The following NCKAP5 variants were observed in gnomAD, a reference collection of about 807,000 sequenced individuals.
NCKAP5 encodes the protein nck-associated protein 5.
NCKAP5 carries 92 observed loss-of-function variants against 167.0 expected under a neutral mutation model. The ratio of observed to expected loss-of-function variants is 0.55; its 90% CI spans 0.47 to 0.66. The LOEUF (loss-of-function observed/expected upper bound fraction) is 0.66. NCKAP5 is among the 30% of genes least tolerant of loss of function. The pLI is 0.00. For synonymous variants in NCKAP5, 891 were observed against 877.4 expected, an observed-to-expected ratio of 1.02 and a Z score of -0.27; for missense variants, 2,378 against 2,315.0, an observed-to-expected ratio of 1.03 and a Z score of -0.56.
chr2:133,289,718 CA>C (rs1028283007), intron 4 of NCKAP5, among the ~76,000 whole-genome samples: 21 of 143,532 alleles, frequency 1.5e-4, no homozygotes, highest in Admixed American at 1.2e-3. Context: ...AACAAACAAA[CA>C]AACAAACAAA....
chr2:133,055,308 T>C (rs1260964679), intron 6 of NCKAP5, among the ~76,000 whole-genome samples: 1 of 151,918 alleles, frequency 6.6e-6, no homozygotes, highest in Non-Finnish European at 1.5e-5. Flanking sequence ...GAATTAGGGT[T>C]CCTGGAAGAG....
At chr2:133,377,933 G>A (rs1040307744) in intron 3 of NCKAP5, among the ~76,000 whole-genome samples, 4 of 152,116 alleles carry the variant, frequency 2.6e-5, no homozygotes, top group African/African-American at 9.7e-5. Context: ...CTGGGGGCAG[G>A]GCTGCTCTCA....
At chr2:133,667,364 T>A in the NCKAP5 span, among the ~76,000 whole-genome samples, 1 of 152,002 alleles carries the variant, frequency 6.6e-6, no homozygotes, top group African/African-American at 2.4e-5. Flanking sequence ...CCACTCCATC[T>A]CTGCTGATTC....
intron 6 of NCKAP5, among the ~76,000 whole-genome samples, chr2:133,100,194 A>G (rs1292401159): frequency 6.6e-6 from 1 of 152,224 alleles, no homozygotes; most frequent in African/African-American, 2.4e-5. Flanking sequence ...GAATCTCCCA[A>G]AAGGGAGTCC....
intron 4 of NCKAP5, among the ~76,000 whole-genome samples, chr2:133,221,102 T>C (rs1025949528): frequency 3.3e-5 from 5 of 152,218 alleles, no homozygotes; most frequent in African/African-American, 1.2e-4. Flanking sequence ...TGAAATACTC[T>C]GTGAGTTGAT....
intron 16 of NCKAP5, among the ~76,000 whole-genome samples, chr2:132,766,635 T>C (rs1681516942): frequency 6.6e-6 from 1 of 152,232 alleles, no homozygotes. Context: ...CCAGAGTTCC[T>C]TTCATTTTGA....
chr2:133,596,393 C>G, the NCKAP5 span: 1 of 152,388 alleles, frequency 6.6e-6, no homozygotes, highest in Admixed American at 6.5e-5. Context: ...TTAGATGGAT[C>G]ATTCTGGGAG....
chr2:133,294,910 C>T (rs1227862372), intron 4 of NCKAP5, among the ~76,000 whole-genome samples: 1 of 152,142 alleles, frequency 6.6e-6, no homozygotes, highest in Non-Finnish European at 1.5e-5. Flanking sequence ...TGACTAGGGA[C>T]TATACATGCT....
chr2:133,400,079 C>T (rs2151018409), intron 3 of NCKAP5, among the ~76,000 whole-genome samples: 1 of 152,216 alleles, frequency 6.6e-6, no homozygotes, highest in South Asian at 2.1e-4. Flanking sequence ...ATGTTTGGTT[C>T]TAAATATCCA....
chr2:132,707,277 C>A (rs11903002), intron 19 of NCKAP5, among the ~76,000 whole-genome samples: 1 of 152,180 alleles, frequency 6.6e-6, no homozygotes, highest in Admixed American at 6.5e-5. Context: ...GAAAGTAACA[C>A]GAGGCAGAAC....
chr2:132,897,145 G>A (rs1693270265), intron 8 of NCKAP5, among the ~76,000 whole-genome samples: 2 of 152,144 alleles, frequency 1.3e-5, no homozygotes, highest in South Asian at 2.1e-4. Context: ...GAAATATATG[G>A]TGCTCACTTC....
chr2:133,600,317 A>G, the NCKAP5 span, among the ~76,000 whole-genome samples: 1 of 144,664 alleles, frequency 6.9e-6, no homozygotes, highest in African/African-American at 2.7e-5. Flanking sequence ...GAGTGTCTCA[A>G]GACCAGAGCT....
chr2:133,460,508 T>C (rs943506154), intron 3 of NCKAP5, among the ~76,000 whole-genome samples: 6 of 152,184 alleles, frequency 3.9e-5, no homozygotes, highest in African/African-American at 1.4e-4. Context: ...ATTGCAACTT[T>C]AAATAAAATT....
At chr2:132,896,565 C>G (rs1406035237) in intron 8 of NCKAP5, among the ~76,000 whole-genome samples, 1 of 152,182 alleles carries the variant, frequency 6.6e-6, no homozygotes, top group Admixed American at 6.5e-5. Flanking sequence ...ATAAACACCT[C>G]AGTTTACAGC....
chr2:133,091,703 C>T (rs7568144), intron 6 of NCKAP5, among the ~76,000 whole-genome samples: 9,461 of 151,988 alleles, frequency 0.062, 987 homozygotes, highest in African/African-American at 0.21. Context: ...CTGACTAACA[C>T]GGTGAAAACC....
At chr2:133,045,526 C>T (rs574757974) in intron 6 of NCKAP5, among the ~76,000 whole-genome samples, 2 of 151,978 alleles carry the variant, frequency 1.3e-5, no homozygotes, top group East Asian at 1.9e-4. Flanking sequence ...CTAGATGTTG[C>T]GAAGACAAGG....
intron 6 of NCKAP5, among the ~76,000 whole-genome samples, chr2:133,008,375 A>G (rs1019361198): frequency 1.3e-5 from 2 of 152,036 alleles, no homozygotes; most frequent in African/African-American, 4.8e-5. Context: ...TCAGACAGAC[A>G]CCTTCAAAGT....
At chr2:133,600,399 A>C in the NCKAP5 span, among the ~76,000 whole-genome samples, 1 of 152,200 alleles carries the variant, frequency 6.6e-6, no homozygotes, top group South Asian at 2.1e-4. Flanking sequence ...AGGGAAAAAA[A>C]AGAAAAATTC....
rs57524202 is a variant in NCKAP5, at chr2:132,799,231, A to T, written c.808-2502T>A. Among the ~76,000 whole-genome samples, 679 of 152,056 alleles carry T rather than the reference A, an allele frequency of 4.5e-3. 7 individuals carry two copies. Among genetic ancestry groups the T allele is most frequent in the African/African-American group, 0.016 (655 of 41,476 alleles). ...ACATGGACATAAACATGGGAACAACAGACCCTGCAGACTACTAGATGGGGA... is the reference window on the plus strand; with the variant it reads ...ACATGGACATAAACATGGGAACAACTGACCCTGCAGACTACTAGATGGGGA... On this transcript the variant is annotated intron_variant, in intron 11 of 19. Coordinates refer to ENST00000409261, the MANE Select transcript of NCKAP5 (RefSeq NM_207363.3).
Sources: allele counts gnomAD v4.1 joint callset (sites outside exome capture counted in the v4.1 genomes callset), GRCh38; gene constraint gnomAD v4.1.1; transcripts MANE v1.5; gene names NCBI Gene and HGNC (gene_info 2026-07-23, HGNC 2026-07-21).